Variants in PPARGC1A observed in about 807,000 individuals in gnomAD.
PPARGC1A encodes the protein PPARG coactivator 1 alpha, also known as peroxisome proliferator-activated receptor gamma coactivator 1-alpha.
A neutral mutation model predicts 88.7 loss-of-function variants in PPARGC1A; 25 were observed. That is an observed-to-expected ratio of 0.28 (90% CI 0.21 to 0.39). The LOEUF (loss-of-function observed/expected upper bound fraction) is 0.39, where lower values mean the gene tolerates loss of function less well. Ranked by LOEUF, PPARGC1A falls within the 10% of genes least tolerant of loss-of-function variation. The probability of loss-of-function intolerance (pLI) is 1.00; values close to 1 mark genes in which losing one functional copy is unlikely to be tolerated. For missense variants in PPARGC1A, 880 were observed against 968.7 expected (o/e 0.91, Z 1.22); for synonymous variants, 363 against 355.6 (o/e 1.02, Z -0.24).
At chr4:24,417,182 A>C in the PPARGC1A span, among the ~76,000 whole-genome samples, 1 of 152,228 alleles carries the variant, frequency 6.6e-6, no homozygotes, top group Non-Finnish European at 1.5e-5. Context: ...GGGAGGAAAC[A>C]GAATGTAAAG....
At chr4:23,975,193 T>C in the PPARGC1A span, among the ~76,000 whole-genome samples, 4 of 152,170 alleles carry the variant, frequency 2.6e-5, no homozygotes, top group Non-Finnish European at 5.9e-5. Flanking sequence ...TATTCAACTG[T>C]GAAGATTTGC....
chr4:24,168,949 T>C, the PPARGC1A span, among the ~76,000 whole-genome samples: 6 of 152,226 alleles, frequency 3.9e-5, no homozygotes, highest in African/African-American at 1.2e-4. Flanking sequence ...CTGTGCATAG[T>C]GACTTTCTTA....
the PPARGC1A span, among the ~76,000 whole-genome samples, chr4:24,217,321 A>G: frequency 6.6e-6 from 1 of 152,306 alleles, no homozygotes; most frequent in African/African-American, 2.4e-5. Flanking sequence ...GGAACCTAAT[A>G]TTCCTTCCTG....
the PPARGC1A span, among the ~76,000 whole-genome samples, chr4:23,938,422 T>C: frequency 6.2e-4 from 94 of 152,170 alleles, no homozygotes; most frequent in Non-Finnish European, 1.2e-3. Flanking sequence ...ATAATACATG[T>C]CATATGTTAT....
the PPARGC1A span, among the ~76,000 whole-genome samples, chr4:24,177,930 A>G: frequency 6.6e-6 from 1 of 152,196 alleles, no homozygotes; most frequent in Non-Finnish European, 1.5e-5. Flanking sequence ...CTGGGAAATC[A>G]TCTTCAATTT....
the PPARGC1A span, among the ~76,000 whole-genome samples, chr4:24,091,108 G>A: frequency 1.3e-5 from 2 of 152,196 alleles, no homozygotes; most frequent in Non-Finnish European, 2.9e-5. Context: ...CTGATGACAG[G>A]TGTTGTATTA....
chr4:23,813,602 G>A, intron 8 of PPARGC1A, 88 bp downstream of exon 8: 4 of 1,252,634 alleles, frequency 3.2e-6, no homozygotes, highest in Non-Finnish European at 4.3e-6. Flanking sequence ...CAGAATGGCT[G>A]CAGATTTCAA....
the PPARGC1A span, among the ~76,000 whole-genome samples, chr4:24,025,976 G>T: frequency 1.3e-5 from 2 of 152,172 alleles, no homozygotes; most frequent in Non-Finnish European, 2.9e-5. Context: ...TTGTAAATGT[G>T]TGGTCCATGA....
chr4:24,401,660 G>A, the PPARGC1A span, among the ~76,000 whole-genome samples: 1 of 152,146 alleles, frequency 6.6e-6, no homozygotes, highest in African/African-American at 2.4e-5. Flanking sequence ...CCATCCTATT[G>A]GGGAAAGAGC....
chr4:24,122,908 C>T, the PPARGC1A span, among the ~76,000 whole-genome samples: 10 of 152,092 alleles, frequency 6.6e-5, no homozygotes, highest in Non-Finnish European at 1.0e-4. Flanking sequence ...AAGAAGACCC[C>T]GGGATAACAT....
At chr4:24,154,623 A>G in the PPARGC1A span, among the ~76,000 whole-genome samples, 4 of 152,164 alleles carry the variant, frequency 2.6e-5, no homozygotes, top group African/African-American at 9.7e-5. Flanking sequence ...GGTGAAGCGC[A>G]TGTCCCGTTC....
the PPARGC1A span, among the ~76,000 whole-genome samples, chr4:23,948,932 G>T: frequency 1.3e-5 from 2 of 151,994 alleles, no homozygotes; most frequent in African/African-American, 2.4e-5. Context: ...ATCAGACTCT[G>T]AATCCAGTGC....
chr4:24,355,280 C>A, the PPARGC1A span, among the ~76,000 whole-genome samples: 7 of 152,130 alleles, frequency 4.6e-5, no homozygotes, highest in African/African-American at 1.7e-4. Flanking sequence ...ACATGCTAAG[C>A]AACTTTCAAA....
the PPARGC1A span, among the ~76,000 whole-genome samples, chr4:24,092,438 A>G: frequency 1.3e-5 from 2 of 152,134 alleles, no homozygotes; most frequent in Admixed American, 6.5e-5. Context: ...GACCCAAGAC[A>G]TTGGGAATTT....
At chr4:23,988,364 T>A in the PPARGC1A span, among the ~76,000 whole-genome samples, 820 of 152,214 alleles carry the variant, frequency 5.4e-3, 36 homozygotes, top group East Asian at 0.087. Flanking sequence ...ATCACCACAC[T>A]GTCTTCCACA....
the PPARGC1A span, among the ~76,000 whole-genome samples, chr4:24,374,775 C>A: frequency 7.2e-5 from 11 of 152,092 alleles, no homozygotes; most frequent in Non-Finnish European, 5.9e-5. Context: ...AATTGAAACC[C>A]TCATACCATG....
the PPARGC1A span, among the ~76,000 whole-genome samples, chr4:24,328,791 C>G: frequency 2.6e-5 from 4 of 152,178 alleles, no homozygotes; most frequent in African/African-American, 9.7e-5. Flanking sequence ...TCTTTGAGGG[C>G]AGTGGAGGGG....
At chr4:24,381,804 A>G in the PPARGC1A span, among the ~76,000 whole-genome samples, 2 of 152,250 alleles carry the variant, frequency 1.3e-5, no homozygotes, top group African/African-American at 4.8e-5. Flanking sequence ...CTCTTTCATC[A>G]TTAGGTAGAC....
the PPARGC1A span, among the ~76,000 whole-genome samples, chr4:24,205,155 C>T: frequency 1.3e-5 from 2 of 152,132 alleles, no homozygotes; most frequent in African/African-American, 2.4e-5. Flanking sequence ...GTGTCAGCAG[C>T]AGGAAAACTG....
Sources: allele counts gnomAD v4.1 joint callset (sites outside exome capture counted in the v4.1 genomes callset), GRCh38; gene constraint gnomAD v4.1.1; transcripts MANE v1.5; gene names NCBI Gene and HGNC (gene_info 2026-07-23, HGNC 2026-07-21).